The following ZSWIM8 variants were observed in gnomAD, a reference collection of about 807,000 sequenced individuals.
ZSWIM8 encodes zinc finger SWIM-type containing 8.
Under a neutral mutation model 173.7 loss-of-function variants are expected in ZSWIM8, and 27 were observed. The ratio of observed to expected loss-of-function variants is 0.16; its 90% CI spans 0.11 to 0.21. The LOEUF is 0.21. Among genes scored for constraint, ZSWIM8 ranks in the 10% least tolerant of loss-of-function variants. ZSWIM8 has a pLI of 1.00. For synonymous variants in ZSWIM8, 958 were observed against 962.0 expected (o/e 1.00, Z 0.08); for missense variants, 1,627 against 2,428.8 (o/e 0.67, Z 6.94).
In ZSWIM8 at chr10:73,800,192, CAGGTGAATGG is replaced by C; in HGVS notation, c.4825+26_4825+35del. ...GCCTGTGAGTTGTGGGGCCAGGGAA[CAGGTGAATGG>C]AGGGGAGGCACACTGGGCAGGGGAG... On this transcript the variant is annotated intron_variant, in intron 22 of 25. Transcript: ENST00000604729. This position sits in a 1 kb window ranked among gnomAD's most constrained non-coding sequence, Gnocchi z 4.1. 6.2e-7 allele frequency: 1 copy of C among 1,613,316 alleles called. No homozygotes were observed. The highest frequency in any genetic ancestry group is 1.3e-5 in the African/African-American group (1 of 75,010).
Position 73,786,037 on chromosome 10 carries a change from C to T in ZSWIM8, c.159C>T (p.Ser53=), listed in dbSNP as rs763372182. ...GWRKQSAGPN[S]PTGGGGGGGS... ...GCAAACAGTCAGCGGGGCCCAATTC[C>T]CCCACTGGCGGCGGTGGCGGAGGTG... Residue 53 remains serine, a synonymous_variant, in exon 1 of 26, where the codon TCC becomes TCT. Transcript: ENST00000604729. The T allele has an allele frequency of 6.2e-7, 1 of 1,601,276 alleles. No homozygotes were observed. Among genetic ancestry groups the T allele is most frequent in the Non-Finnish European group, 8.5e-7 (1 of 1,173,158 alleles).
intron 15 of ZSWIM8, 74 bp downstream of exon 15, chr10:73,795,737 G>A (rs1589578959): frequency 6.6e-7 from 1 of 1,508,540 alleles, no homozygotes; most frequent in East Asian, 2.4e-5. Flanking sequence ...GCGGGCAGAT[G>A]GCTTGAGCCC....
rs370093454 is a variant in ZSWIM8, at chr10:73,800,680, C to T, written c.5043C>T (p.Asn1681=). ...ALEMLGRRAH[N]DHPNNFSRSP... ...AGATGCTGGGTCGCCGGGCACACAA[C>T]GATCACCCCAACAACTTCTCCCGCT... Residue 1681 remains asparagine (N), a synonymous_variant, in exon 24 of 26, where the codon AAC becomes AAT. Transcript: ENST00000604729. The surrounding 1 kb of genome is among the most constrained non-coding windows in gnomAD (Gnocchi z 4.1). 5.9e-5 allele frequency: 96 copies of T among 1,613,794 alleles called. No homozygotes were observed. The African/African-American group carries it at 1.0e-3, about 17-fold the overall frequency.
At position 73,796,795 on chromosome 10, in the gene ZSWIM8, C is replaced by A. The variant is rs764398334; in HGVS notation, c.3055C>A (p.Arg1019=). ...CCAGATCTTAGACAAACTCTTGGAC[C>A]GAGAGAGCCAGACACATAAGCCACA... is the stretch of plus-strand genomic sequence containing the variant. ...LKKILDKLLD[R]ESQTHKPQTL... is the part of the protein sequence containing the mutation. The change falls in exon 16 of 26, where the codon CGA becomes AGA. Residue 1019 remains arginine (R), a synonymous_variant. Transcript: ENST00000604729. 6.2e-7 allele frequency: 1 copy of A among 1,613,664 alleles called. No homozygotes were observed. The highest frequency in any genetic ancestry group is 2.2e-5 in the East Asian group (1 of 44,886).
rs758180815 is a variant in ZSWIM8 at position 73,792,203 on chromosome 10, G to T, written c.1664G>T (p.Gly555Val). The T allele has an allele frequency of 1.4e-5, 22 of 1,537,894 alleles. No individual in the cohort carries two copies. Among genetic ancestry groups the T allele is most frequent in the Non-Finnish European group, 1.8e-5 (21 of 1,143,406 alleles). ...PGTKRKGLGE[G>V]VPSSQRGPRR... Reference sequence around the variant, plus strand: ...ACCAAGCGAAAGGGCTTGGGTGAGGGGGTCCCCTCATCACAGCGGGGTCCC... The same window carrying T: ...ACCAAGCGAAAGGGCTTGGGTGAGGTGGTCCCCTCATCACAGCGGGGTCCC... Residue 555 changes from glycine (G) to valine (V), a missense_variant, in exon 10 of 26, where the codon GGG becomes GTG. Physicochemically the swap from Gly to Val is moderately radical, Grantham distance 109 (BLOSUM62 -3). Around this residue, in one of 18 missense-constraint regions of ZSWIM8, gnomAD observed 383 missense variants for 394.8 expected, o/e 0.97. Coordinates refer to ENST00000604729, the MANE Select transcript of ZSWIM8 (RefSeq NM_001367799.1). This position sits in a 1 kb window ranked among gnomAD's most constrained non-coding sequence, Gnocchi z 4.3.
chr10:73,798,045 T>C lies in ZSWIM8; in HGVS notation c.3927T>C (p.Tyr1309=), dbSNP rs768605949. 16 of 1,613,684 alleles carry C rather than the reference T, an allele frequency of 9.9e-6. No homozygotes were observed. The highest frequency in any genetic ancestry group is 9.9e-5 in the South Asian group (9 of 91,092). Residue 1309 remains tyrosine, a synonymous_variant, in exon 19 of 26, where the codon TAT becomes TAC. Coordinates refer to ENST00000604729, the MANE Select transcript of ZSWIM8 (RefSeq NM_001367799.1). ...CTCCCAACTGGCTCTCACGTACTTA[T>C]TCTTCCCACGTTTCCTGGATTACAG... ...FVSPNWLSRT[Y]SSHVSWITGQ...
chr10:73,791,057 C>T lies in ZSWIM8; in HGVS notation c.1024C>T (p.Arg342Cys), dbSNP rs375066041. ...ATGTCTGCTGCGCCCTCTGAGGGGC[C>T]GTGAGCCAGAGGGCGTCTGGAACCT... ...WACLLRPLRG[R>C]EPEGVWNLLS... is the part of the protein sequence containing the mutation. The change falls in exon 8 of 26, where the codon CGT becomes TGT. Residue 342 changes from arginine (R) to cysteine (C), a missense_variant. This residue lies in a region of ZSWIM8 where 38 missense variants were observed against 106.1 expected (regional missense o/e 0.36). Transcript: ENST00000604729. The surrounding 1 kb of genome is among the most constrained non-coding windows in gnomAD (Gnocchi z 6.0). The T allele has an allele frequency of 1.3e-5, 21 of 1,613,764 alleles. No individual in the cohort carries two copies. Among genetic ancestry groups the T allele is most frequent in the African/African-American group, 2.7e-5 (2 of 74,902 alleles).
Position 73,792,576 on chromosome 10 carries a change from T to C in ZSWIM8, c.2037T>C (p.Pro679=), listed in dbSNP as rs753841120. 2 of 1,614,034 alleles carry C rather than the reference T, an allele frequency of 1.2e-6. 1 individual carries two copies. Among genetic ancestry groups the C allele is most frequent in the South Asian group, 2.2e-5 (2 of 91,092 alleles). ...EDGGVYFSEG[P]EPPTASVGPP... is the part of the protein sequence containing the mutation. ...GTGGTGTGTACTTCTCGGAAGGGCC[T>C]GAGCCTCCCACAGCCTCTGTTGGCC... is the stretch of plus-strand genomic sequence containing the variant. The change falls in exon 10 of 26, where the codon CCT becomes CCC. Residue 679 remains proline (P), a synonymous_variant. Transcript: ENST00000604729. This position sits in a 1 kb window ranked among gnomAD's most constrained non-coding sequence, Gnocchi z 4.3.
rs760612696 is a variant in ZSWIM8, at chr10:73,789,798, T to C, written c.712T>C (p.Tyr238His). The C allele has an allele frequency of 3.1e-6, 5 of 1,609,582 alleles. No homozygotes were observed. In the Admixed American group the frequency reaches 6.7e-5, roughly 22 times the overall value. The part of the protein sequence containing the change: ...QRDQLQKFAQ[Y>H]LISELPQQIL... Reference sequence around the variant, plus strand: ...GGACCAGCTGCAAAAGTTTGCTCAGTACCTCATCAGTGAGCTCCCTCAGCA... The same window carrying C: ...GGACCAGCTGCAAAAGTTTGCTCAGCACCTCATCAGTGAGCTCCCTCAGCA... The change falls in exon 5 of 26, where the codon TAC becomes CAC. Residue 238 changes from tyrosine (Y) to histidine (H), a missense_variant. This residue lies in a region of ZSWIM8 where 39 missense variants were observed against 154.0 expected (regional missense o/e 0.25). Coordinates refer to ENST00000604729, the MANE Select transcript of ZSWIM8 (RefSeq NM_001367799.1). This position sits in a 1 kb window ranked among gnomAD's most constrained non-coding sequence, Gnocchi z 6.8.
In ZSWIM8 at chr10:73,797,227, G is replaced by C; in HGVS notation, c.3389G>C (p.Gly1130Ala). The C allele has an allele frequency of 6.2e-7, 1 of 1,614,004 alleles. No individual in the cohort carries two copies. The highest frequency in any genetic ancestry group is 1.1e-5 in the South Asian group (1 of 91,088). Residue 1130 changes from glycine to alanine, a missense_variant, in exon 17 of 26, where the codon GGA becomes GCA. This residue lies in a region of ZSWIM8 where 163 missense variants were observed against 193.2 expected (regional missense o/e 0.84). Transcript: ENST00000604729. The surrounding 1 kb of genome is among the most constrained non-coding windows in gnomAD (Gnocchi z 5.6). ...CTTGGCAGTCGTGGAGGCTATAATG[G>C]ACGGGGATGGGGGTCCCCAGGACGG... is the stretch of plus-strand genomic sequence containing the variant. ...LALGSRGGYN[G>A]RGWGSPGRPK...
chr10:73,801,101 CGCT>C lies in ZSWIM8; in HGVS notation c.5210_5212del (p.Leu1737del). On this transcript the variant is annotated inframe_deletion, in exon 25 of 26. Coordinates refer to ENST00000604729, the MANE Select transcript of ZSWIM8 (RefSeq NM_001367799.1). The surrounding 1 kb of genome is among the most constrained non-coding windows in gnomAD (Gnocchi z 4.9). ...GTGCTGCAGGAGATCGTCATGGAGA[CGCT>C]GCAGCGGCTGAGTCCCGCTCATGCC... 10 of 1,574,898 alleles carry C rather than the reference CGCT, an allele frequency of 6.3e-6. No individual in the cohort carries two copies. Among genetic ancestry groups the C allele is most frequent in the Non-Finnish European group, 8.6e-6 (10 of 1,160,954 alleles).
In ZSWIM8 at chr10:73,798,149, G is replaced by A. The variant is rs1005528478; in HGVS notation, c.3952+79G>A. On this transcript the variant is annotated intron_variant, in intron 19 of 25. Coordinates refer to ENST00000604729, the MANE Select transcript of ZSWIM8 (RefSeq NM_001367799.1). The stretch of plus-strand genomic sequence containing the variant: ...AGACCCTTATCTTTGTGGGGTTACT[G>A]ATCTGATAAAAAGACATTATTCTCA... 1.0e-4 allele frequency: 161 copies of A among 1,592,884 alleles called. 1 individual carries two copies. The highest frequency in any genetic ancestry group is 1.8e-4 in the South Asian group (16 of 88,528).
rs1358693831 is a variant in ZSWIM8, at chr10:73,785,856, C to T, written c.-23C>T. 2.7e-6 allele frequency: 4 copies of T among 1,477,720 alleles called. No homozygotes were observed. The highest frequency in any genetic ancestry group is 1.5e-5 in the African/African-American group (1 of 68,330). The allele number at this position is 1,477,720 out of a possible 1,614,324, so 91.5% of individuals were successfully genotyped here. A position where few individuals can be genotyped will look rare whatever the true frequency, so the allele number is the denominator to read the frequency against. On this transcript the variant is annotated 5_prime_UTR_variant, in exon 1 of 26. Transcript: ENST00000604729. ...GGCCCCGGATCCGCGGGGGGGGACC[C>T]GGCCCCGGGGGGTGCGGGCCCCATG... is the stretch of plus-strand genomic sequence containing the variant.
At chr10:73,799,634 AAAAT>A in intron 21 of ZSWIM8, 144 bp downstream of exon 21, 1 of 1,185,812 alleles carries the variant, frequency 8.4e-7, no homozygotes, top group Middle Eastern at 2.1e-4. Flanking sequence ...CAGCCCAACT[AAAAT>A]AAGAAATGAC....
chr10:73,789,265 A>T lies in ZSWIM8; in HGVS notation c.457+75A>T. The T allele has an allele frequency of 4.4e-6, 7 of 1,605,938 alleles. No individual in the cohort carries two copies. The highest frequency in any genetic ancestry group is 5.1e-6 in the Non-Finnish European group (6 of 1,174,218). ...GGCTTATGAAGTAAGAACACACCGC[A>T]AGAAGCTGGAGCATGTTGTCTGAAT... is the stretch of plus-strand genomic sequence containing the variant. On this transcript the variant is annotated intron_variant, in intron 3 of 25. Coordinates refer to ENST00000604729, the MANE Select transcript of ZSWIM8 (RefSeq NM_001367799.1). This position sits in a 1 kb window ranked among gnomAD's most constrained non-coding sequence, Gnocchi z 6.8.
rs769130893 is a variant in ZSWIM8 at position 73,794,176 on chromosome 10, G to C, written c.2655G>C (p.Val885=). Residue 885 remains valine, a synonymous_variant, in exon 13 of 26, where the codon GTG becomes GTC. Coordinates refer to ENST00000604729, the MANE Select transcript of ZSWIM8 (RefSeq NM_001367799.1). ...EVKLAYQESE[V]AALLKKIPLG... is the part of the protein sequence containing the mutation. ...AGCTGGCATACCAGGAGTCTGAGGT[G>C]GCTGCCCTGCTCAAGAAGATCCCTC... 6.2e-7 allele frequency: 1 copy of C among 1,613,934 alleles called. No individual in the cohort carries two copies. Among genetic ancestry groups the C allele is most frequent in the East Asian group, 2.2e-5 (1 of 44,890 alleles).
At position 73,789,864 on chromosome 10, in the gene ZSWIM8, G is replaced by A; in HGVS notation, c.738+40G>A. The A allele has an allele frequency of 6.3e-7, 1 of 1,584,596 alleles. No homozygotes were observed. The highest frequency in any genetic ancestry group is 8.6e-7 in the Non-Finnish European group (1 of 1,164,612). On this transcript the variant is annotated intron_variant, in intron 5 of 25. Coordinates refer to ENST00000604729, the MANE Select transcript of ZSWIM8 (RefSeq NM_001367799.1). This position sits in a 1 kb window ranked among gnomAD's most constrained non-coding sequence, Gnocchi z 6.8. ...CACCCCCTCCTGCAATTAGCTCCGGGCCAGGCCGCATAACAGCCTTCCTGT... is the reference window on the plus strand; with the variant it reads ...CACCCCCTCCTGCAATTAGCTCCGGACCAGGCCGCATAACAGCCTTCCTGT...
intron 1 of ZSWIM8, 77 bp from the exon 2 acceptor site, chr10:73,788,593 T>G: frequency 6.5e-7 from 1 of 1,539,868 alleles, no homozygotes; most frequent in Non-Finnish European, 8.8e-7. Context: ...GATGTTGTAC[T>G]GGCATGAGTG....
Position 73,801,027 on chromosome 10 carries a change from C to T in ZSWIM8, c.5133C>T (p.Tyr1711=), listed in dbSNP as rs2083934967. ...CCCCCTGCCCCCCAGGAGTGAACTA[C>T]GTGCACCAGTTCTGTGTGGGGGCAG... is the stretch of plus-strand genomic sequence containing the variant. The part of the protein sequence containing the change: ...LGLAAKLGVN[Y]VHQFCVGAAK... The change falls in exon 25 of 26, where the codon TAC becomes TAT. Residue 1711 remains tyrosine, a synonymous_variant. Transcript: ENST00000604729. The surrounding 1 kb of genome is among the most constrained non-coding windows in gnomAD (Gnocchi z 4.9). 1 of 1,549,936 alleles carries T rather than the reference C, an allele frequency of 6.5e-7. No homozygotes were observed. Among genetic ancestry groups the T allele is most frequent in the Non-Finnish European group, 8.7e-7 (1 of 1,145,966 alleles).
Sources: gnomAD v4.1 joint callset for allele counts on GRCh38, gnomAD v4.1.1 for gene constraint, gnomAD v4.1.1 regional missense constraint, Gnocchi (gnomAD v3.1) non-coding constraint, MANE v1.5 for transcripts, NCBI Gene and HGNC (gene_info 2026-07-23, HGNC 2026-07-21) for gene names.